Variants in PACRG observed in about 807,000 individuals in gnomAD.
The protein encoded by PACRG is parkin coregulated, also known as parkin coregulated gene protein.
In PACRG, 29 loss-of-function variants were observed where a neutral mutation model predicts 29.7. The ratio of observed to expected loss-of-function variants is 0.98; its 90% CI spans 0.73 to 1.33. The LOEUF (loss-of-function observed/expected upper bound fraction) is 1.33, where lower values mean the gene tolerates loss of function less well. Ranked by LOEUF, PACRG falls within the 40% of genes most tolerant of loss-of-function variation. The probability of loss-of-function intolerance (pLI) is 0.00; values close to 1 mark genes in which losing one functional copy is unlikely to be tolerated. For missense variants in PACRG, 279 were observed against 316.2 expected (o/e 0.88, Z 0.89); for synonymous variants, 116 against 118.7 (o/e 0.98, Z 0.15).
intron 4 of PACRG, among the ~76,000 whole-genome samples, chr6:163,159,780 G>A (rs1386701880): frequency 6.6e-6 from 1 of 152,166 alleles, no homozygotes; most frequent in Non-Finnish European, 1.5e-5. Flanking sequence ...CCCACAAATT[G>A]TTTTCTAATT....
intron 4 of PACRG, among the ~76,000 whole-genome samples, chr6:163,246,922 A>G (rs943147986): frequency 2.0e-5 from 3 of 152,240 alleles, no homozygotes; most frequent in Non-Finnish European, 4.4e-5. Flanking sequence ...GACTTTTCCT[A>G]AGATAAAATT....
At chr6:163,225,005 A>G (rs1488048104) in intron 4 of PACRG, among the ~76,000 whole-genome samples, 4 of 152,224 alleles carry the variant, frequency 2.6e-5, no homozygotes, top group Non-Finnish European at 5.9e-5. Context: ...TAGCAAGAAA[A>G]CAAATAACCC....
chr6:162,746,902 T>C lies in PACRG; in HGVS notation c.156+18511T>C, dbSNP rs1464220096. On this transcript the variant is annotated intron_variant, in intron 1 of 4. Coordinates refer to ENST00000366888, the MANE Select transcript of PACRG (RefSeq NM_001080379.2). ...ACCCTTCTCTGTATCACACTTGGCC[T>C]TCTTATTTATGTGCAGAATTTGATT... Among the ~76,000 whole-genome samples, 3 of 152,344 alleles carry C rather than the reference T, an allele frequency of 2.0e-5. No homozygotes were observed. The East Asian group carries it at 5.8e-4, about 29-fold the overall frequency.
intron 4 of PACRG, among the ~76,000 whole-genome samples, chr6:163,141,631 A>G (rs1260571955): frequency 6.6e-6 from 1 of 152,072 alleles, no homozygotes; most frequent in African/African-American, 2.4e-5. Context: ...AATCCATATT[A>G]AGCTAAAGAA....
At chr6:163,099,403 A>G (rs1231871521) in intron 4 of PACRG, among the ~76,000 whole-genome samples, 1 of 152,248 alleles carries the variant, frequency 6.6e-6, no homozygotes, top group Non-Finnish European at 1.5e-5. Context: ...GCATGCACAT[A>G]TTCGCCCAAG....
intron 2 of PACRG, among the ~76,000 whole-genome samples, chr6:162,958,074 A>G (rs1800204133): frequency 6.6e-6 from 1 of 152,216 alleles, no homozygotes; most frequent in East Asian, 1.9e-4. Context: ...ATGTTTGACT[A>G]CATGCATCAC....
intron 2 of PACRG, among the ~76,000 whole-genome samples, chr6:162,982,792 G>A (rs1310769827): frequency 6.6e-6 from 1 of 152,022 alleles, no homozygotes; most frequent in Admixed American, 6.6e-5. Flanking sequence ...TTGTTGGGTA[G>A]AATGTTCTAT....
intron 2 of PACRG, among the ~76,000 whole-genome samples, chr6:162,909,255 T>C (rs2128073257): frequency 6.6e-6 from 1 of 152,230 alleles, no homozygotes; most frequent in Admixed American, 6.5e-5. Flanking sequence ...TCTTTATGCA[T>C]CATTTAAAAA....
intron 4 of PACRG, among the ~76,000 whole-genome samples, chr6:163,113,312 A>G (rs1815811919): frequency 6.6e-6 from 1 of 152,200 alleles, no homozygotes; most frequent in African/African-American, 2.4e-5. Flanking sequence ...GAGAAGAGAG[A>G]GAGAAAGCGG....
intron 2 of PACRG, among the ~76,000 whole-genome samples, chr6:162,931,070 C>G (rs921477373): frequency 6.6e-6 from 1 of 151,716 alleles, no homozygotes; most frequent in Non-Finnish European, 1.5e-5. Context: ...ATTTTGGTAT[C>G]AGAGTAATGC....
intron 1 of PACRG, among the ~76,000 whole-genome samples, chr6:162,774,977 C>G (rs78126491): frequency 0.015 from 2,212 of 152,238 alleles, 63 homozygotes; most frequent in African/African-American, 0.051. Context: ...GTTTACCCAA[C>G]GATGGCCTCA....
chr6:163,020,775 C>T (rs1459540018), intron 2 of PACRG, among the ~76,000 whole-genome samples: 3 of 151,970 alleles, frequency 2.0e-5, no homozygotes, highest in Non-Finnish European at 1.5e-5. Flanking sequence ...GCAGTCTGAG[C>T]TTAGTGTTAT....
chr6:163,166,280 C>CA (rs3064931), intron 4 of PACRG: 2 of 435,846 alleles, frequency 4.6e-6, no homozygotes, highest in African/African-American at 4.1e-5. Context: ...ACAACAACAA[C>CA]AAAAAAATGT....
rs1780610067 is a variant in PACRG at position 162,741,663 on chromosome 6, G to A, written c.156+13272G>A. ...ATTAGAGCTTCAACACATTAATTTT[G>A]GGGAACACAAACAGTCAGTATCAGG... On this transcript the variant is annotated intron_variant, in intron 1 of 4. Transcript: ENST00000366888. 2.6e-5 allele frequency among the ~76,000 whole-genome samples: 4 copies of A among 152,236 alleles called. No homozygotes were observed. The South Asian group carries it at 8.3e-4, about 32-fold the overall frequency.
intron 2 of PACRG, among the ~76,000 whole-genome samples, chr6:162,874,661 G>A (rs181078496): frequency 1.9e-4 from 29 of 152,302 alleles, no homozygotes; most frequent in Middle Eastern, 3.4e-3. Context: ...AGTGTGGGGG[G>A]AGGCCAGTCA....
chr6:162,785,587 G>A (rs1784404644), intron 1 of PACRG, among the ~76,000 whole-genome samples: 1 of 151,978 alleles, frequency 6.6e-6, no homozygotes, highest in Non-Finnish European at 1.5e-5. Context: ...AGGGGTGCGG[G>A]GGTTGGGGGA....
At chr6:162,768,008 T>A (rs1033197348) in intron 1 of PACRG, among the ~76,000 whole-genome samples, 2 of 152,084 alleles carry the variant, frequency 1.3e-5, no homozygotes, top group African/African-American at 4.8e-5. Context: ...AAATTAGATG[T>A]TATGTTTATT....
chr6:163,173,578 C>T (rs373285416), intron 4 of PACRG, among the ~76,000 whole-genome samples: 5 of 152,222 alleles, frequency 3.3e-5, no homozygotes, highest in Admixed American at 2.6e-4. Context: ...AAGGTGGGCT[C>T]GTCCTCACTG....
intron 1 of PACRG, among the ~76,000 whole-genome samples, chr6:162,731,817 G>C (rs1015174608): frequency 6.6e-6 from 1 of 151,926 alleles, no homozygotes; most frequent in Non-Finnish European, 1.5e-5. Flanking sequence ...TATTAATTTG[G>C]CTTCTGTAAC....
Sources: allele counts gnomAD v4.1 joint callset (sites outside exome capture counted in the v4.1 genomes callset), GRCh38; gene constraint gnomAD v4.1.1; transcripts MANE v1.5; gene names NCBI Gene and HGNC (gene_info 2026-07-23, HGNC 2026-07-21).